The following SAMMSON variants were observed in gnomAD, a reference collection of about 807,000 sequenced individuals.
SAMMSON encodes the protein survival associated mitochondrial melanoma specific oncogenic non-coding RNA, also known as long intergenic non-protein coding RNA 1212.
chr3:70,017,074 T>C (rs1468875568), intron 3 of SAMMSON, among the ~76,000 whole-genome samples: 1 of 152,162 alleles, frequency 6.6e-6, no homozygotes, highest in Non-Finnish European at 1.5e-5. Context: ...ATGTGGGCTC[T>C]TTTTTGGTTC....
At chr3:70,125,786 GGCGCTGCCTTATTGTTTT>G (rs2067455625) in intron 4 of SAMMSON, 1 of 653,330 alleles carries the variant, frequency 1.5e-6, no homozygotes, top group Non-Finnish European at 2.7e-6. Flanking sequence ...TTTCTCACAT[GGCGCTGCCTTATTGTTTT>G]GGGTCTTTGG....
intron 3 of SAMMSON, chr3:70,024,721 G>T (rs2067030490): frequency 6.6e-6 from 1 of 152,338 alleles, no homozygotes. Context: ...CATCGTAGAA[G>T]ACCGTCATTT....
At chr3:70,371,289 C>G (rs1262206379) in intron 9 of SAMMSON, among the ~76,000 whole-genome samples, 3 of 152,066 alleles carry the variant, frequency 2.0e-5, no homozygotes, top group African/African-American at 7.2e-5. Context: ...ATTGCTTTGA[C>G]TATTCCGGCT....
chr3:70,207,894 C>T (rs1004317233), intron 4 of SAMMSON, among the ~76,000 whole-genome samples: 1 of 151,948 alleles, frequency 6.6e-6, no homozygotes, highest in African/African-American at 2.4e-5. Context: ...ATGCATTCTC[C>T]TGCCATGTAA....
chr3:70,133,169 G>C (rs936359738), intron 4 of SAMMSON, among the ~76,000 whole-genome samples: 1 of 152,142 alleles, frequency 6.6e-6, no homozygotes, highest in Non-Finnish European at 1.5e-5. Flanking sequence ...GCTGCAGGGT[G>C]GGGGCTGGTT....
chr3:70,069,490 T>C (rs780422937), intron 3 of SAMMSON: 7 of 152,128 alleles, frequency 4.6e-5, no homozygotes, highest in Non-Finnish European at 8.8e-5. Context: ...GGACACTTAC[T>C]GTAGTAGAGA....
intron 4 of SAMMSON, among the ~76,000 whole-genome samples, chr3:70,115,566 T>G (rs2067407407): frequency 6.6e-6 from 1 of 152,138 alleles, no homozygotes; most frequent in Admixed American, 6.5e-5. Context: ...AGGGCCAACG[T>G]GGATTCTCTT....
At chr3:70,422,484 C>T (rs757446971) in intron 2 of SAMMSON, among the ~76,000 whole-genome samples, 2 of 151,882 alleles carry the variant, frequency 1.3e-5, no homozygotes, top group South Asian at 2.1e-4. Context: ...TACTATAGTA[C>T]GTTGTGAGTT....
intron 6 of SAMMSON, among the ~76,000 whole-genome samples, chr3:70,275,681 G>A (rs1702018181): frequency 1.3e-5 from 2 of 152,138 alleles, no homozygotes; most frequent in South Asian, 2.1e-4. Flanking sequence ...GTTCATCAGC[G>A]ATAACAATAC....
intron 2 of SAMMSON, among the ~76,000 whole-genome samples, chr3:70,406,125 A>T (rs1032695870): frequency 4.6e-5 from 7 of 152,338 alleles, no homozygotes; most frequent in African/African-American, 1.7e-4. Context: ...TCCCCAGTGT[A>T]CACATATTTC....
At chr3:70,001,131 A>G (rs983160243) in intron 1 of SAMMSON, among the ~76,000 whole-genome samples, 7 of 151,696 alleles carry the variant, frequency 4.6e-5, no homozygotes, top group Non-Finnish European at 8.8e-5. Context: ...GATAACAACA[A>G]TCCCCGAACT....
At chr3:70,264,823 C>T (rs917469263) in intron 6 of SAMMSON, among the ~76,000 whole-genome samples, 6 of 151,918 alleles carry the variant, frequency 3.9e-5, no homozygotes, top group African/African-American at 7.3e-5. Flanking sequence ...GTAGGGACAT[C>T]GGGGATGTAT....
chr3:70,264,953 G>T (rs1014750089), intron 6 of SAMMSON, among the ~76,000 whole-genome samples: 1 of 152,164 alleles, frequency 6.6e-6, no homozygotes, highest in South Asian at 2.1e-4. Flanking sequence ...ATGGTGGAAG[G>T]TGAATGAGGA....
At position 70,124,981 on chromosome 3, in the gene SAMMSON, C is replaced by G. The variant is rs748811572; in HGVS notation, n.507+53416C>G. On this transcript the variant is annotated intron_variant and non_coding_transcript_variant, in intron 4 of 9. Coordinates refer to ENST00000642114, the Ensembl canonical transcript of SAMMSON. ...CTTTCAAAGCTGTTATGCACAGTTCCATAGTCCAGGTGGTCAATTTCTTCC... is the reference window on the plus strand; with the variant it reads ...CTTTCAAAGCTGTTATGCACAGTTCGATAGTCCAGGTGGTCAATTTCTTCC... The G allele has an allele frequency of 2.1e-4, 134 of 646,572 alleles. 1 individual carries two copies. The highest frequency in any genetic ancestry group is 3.2e-4 in the Non-Finnish European group (115 of 360,860). 40.1% of individuals were successfully genotyped at this position (646,572 alleles called of 1,614,324 possible).
intron 7 of SAMMSON, among the ~76,000 whole-genome samples, chr3:70,338,136 C>A (rs1433171145): frequency 6.6e-6 from 1 of 151,872 alleles, no homozygotes; most frequent in South Asian, 2.1e-4. Flanking sequence ...AGCATTTGAA[C>A]AAGCCTGTGC....
chr3:70,252,895 C>G (rs955741908), intron 6 of SAMMSON, among the ~76,000 whole-genome samples: 1 of 152,012 alleles, frequency 6.6e-6, no homozygotes, highest in East Asian at 1.9e-4. Flanking sequence ...GCGTGGCCAA[C>G]ATCGTGAAAC....
intron 3 of SAMMSON, among the ~76,000 whole-genome samples, chr3:70,017,491 G>A (rs1392739035): frequency 9.2e-5 from 14 of 152,148 alleles, no homozygotes; most frequent in South Asian, 6.2e-4. Flanking sequence ...GGGCTGAGAC[G>A]ATGGGGTTTT....
At chr3:70,028,087 T>A (rs2067048695) in intron 3 of SAMMSON, among the ~76,000 whole-genome samples, 1 of 143,304 alleles carries the variant, frequency 7.0e-6, no homozygotes, top group African/African-American at 2.9e-5. Context: ...CTTCCTTCTT[T>A]CCTTCCTTCC....
chr3:70,096,703 G>T (rs2067324210), intron 4 of SAMMSON, among the ~76,000 whole-genome samples: 1 of 152,148 alleles, frequency 6.6e-6, no homozygotes, highest in South Asian at 2.1e-4. Context: ...GAGGGCCACT[G>T]GGGGGTCATC....
Sources: gnomAD v4.1 joint callset for allele counts (sites outside exome capture counted in the v4.1 genomes callset) on GRCh38, gnomAD v4.1.1 for gene constraint, MANE v1.5 for transcripts, NCBI Gene and HGNC (gene_info 2026-07-23, HGNC 2026-07-21) for gene names.